Variants in ATP11A observed in about 807,000 individuals in gnomAD.
ATP11A encodes the protein ATPase phospholipid transporting 11A, also known as phospholipid-transporting ATPase IH.
In ATP11A, 81 loss-of-function variants were observed where a neutral mutation model predicts 154.4. The ratio of observed to expected loss-of-function variants is 0.52; its 90% CI spans 0.44 to 0.63. ATP11A has a LOEUF of 0.63. Among genes scored for constraint, ATP11A ranks in the 30% least tolerant of loss-of-function variants. ATP11A has a pLI of 0.00. For synonymous variants in ATP11A, 623 were observed against 585.9 expected (o/e 1.06, Z -0.91); for missense variants, 1,316 against 1,474.3 (o/e 0.89, Z 1.76).
At chr13:112,694,412 C>T (rs1885546908) in intron 1 of ATP11A, among the ~76,000 whole-genome samples, 1 of 152,200 alleles carries the variant, frequency 6.6e-6, no homozygotes, top group Non-Finnish European at 1.5e-5. Context: ...GGGTCCCGGC[C>T]TGCTGGCGTC....
At chr13:112,873,008 G>A (rs1765873) in intron 26 of ATP11A, among the ~76,000 whole-genome samples, 1,297 of 75,910 alleles carry the variant, frequency 0.017, 6 homozygotes, top group East Asian at 0.026. Context: ...GTCTTCCTGA[G>A]CGGTGTGAGG....
At position 112,823,367 on chromosome 13, in the gene ATP11A, CT is replaced by C. The variant is rs1273166649; in HGVS notation, c.749del (p.Leu250ArgfsTer7). 1.2e-6 allele frequency: 2 copies of C among 1,613,820 alleles called. No homozygotes were observed. The highest frequency in any genetic ancestry group is 8.5e-7 in the Non-Finnish European group (1 of 1,179,780). On this transcript the variant is annotated frameshift_variant, in exon 9 of 30. Transcript: ENST00000375645. LOFTEE classifies it high-confidence loss of function. ...VVRPLGSENL[L>X]LRGATLKNTE... ...CAGGCCCTTAGGATCGGAAAACCTG[CT>C]GCTTAGAGGAGCTACACTGAAGAAC...
At chr13:112,760,635 C>G (rs540605380) in intron 1 of ATP11A, among the ~76,000 whole-genome samples, 1 of 152,160 alleles carries the variant, frequency 6.6e-6, no homozygotes, top group Non-Finnish European at 1.5e-5. Context: ...GTTCCCTCTT[C>G]TTGCTCAGAG....
chr13:112,812,734 T>C (rs146201566), intron 5 of ATP11A, among the ~76,000 whole-genome samples: 51 of 152,342 alleles, frequency 3.3e-4, no homozygotes, highest in African/African-American at 1.2e-3. Flanking sequence ...AAACGTGCTA[T>C]CCAGGTGTTT....
intron 1 of ATP11A, among the ~76,000 whole-genome samples, chr13:112,762,796 C>T (rs1198173987): frequency 1.3e-5 from 2 of 152,238 alleles, no homozygotes; most frequent in East Asian, 3.9e-4. Context: ...TTTACAAATG[C>T]TCACGGTATG....
At chr13:112,772,024 G>A (rs1408240948) in intron 1 of ATP11A, among the ~76,000 whole-genome samples, 1 of 152,188 alleles carries the variant, frequency 6.6e-6, no homozygotes, top group Non-Finnish European at 1.5e-5. Context: ...ACTGCGAGGC[G>A]GCAGCGGCTG....
At chr13:112,808,690 C>T (rs563341565) in intron 4 of ATP11A, among the ~76,000 whole-genome samples, 4 of 152,268 alleles carry the variant, frequency 2.6e-5, no homozygotes, top group African/African-American at 9.6e-5. Flanking sequence ...CTTAGGTCCC[C>T]GCCTCTCTTT....
chr13:112,850,280 G>A (rs988102078), intron 17 of ATP11A, among the ~76,000 whole-genome samples: 3 of 152,218 alleles, frequency 2.0e-5, no homozygotes, highest in African/African-American at 7.2e-5. Flanking sequence ...GGGGCTGAAG[G>A]AGCAGGGAAA....
chr13:112,793,682 C>T lies in ATP11A; in HGVS notation c.162+8425C>T, dbSNP rs116920200. Among the ~76,000 whole-genome samples the T allele has an allele frequency of 8.2e-3, 1,252 of 152,358 alleles. 3 individuals carry two copies. Among genetic ancestry groups the T allele is most frequent in the Admixed American group, 0.014 (220 of 15,308 alleles). ...AGCAGATGGGTGTCCGGCGTCCCCGCCTTTTTCAGGACTGTCAGGTGGGCC... is the reference window on the plus strand; with the variant it reads ...AGCAGATGGGTGTCCGGCGTCCCCGTCTTTTTCAGGACTGTCAGGTGGGCC... On this transcript the variant is annotated intron_variant, in intron 2 of 29. Transcript: ENST00000375645.
chr13:112,862,389 G>T, intron 24 of ATP11A, 51 bp from the exon 25 acceptor site: 1 of 1,606,582 alleles, frequency 6.2e-7, no homozygotes, highest in African/African-American at 1.3e-5. Flanking sequence ...TGGGGGAGGT[G>T]CCGGGCCCTG....
chr13:112,867,352 C>T (rs1008199858), intron 25 of ATP11A, among the ~76,000 whole-genome samples: 2 of 152,174 alleles, frequency 1.3e-5, no homozygotes, highest in South Asian at 4.1e-4. Flanking sequence ...TTGCCCAGTG[C>T]GGCCTCTGGG....
At chr13:112,723,477 G>A (rs935820444) in intron 1 of ATP11A, among the ~76,000 whole-genome samples, 5 of 148,798 alleles carry the variant, frequency 3.4e-5, no homozygotes, top group African/African-American at 1.2e-4. Flanking sequence ...TCACAATGTC[G>A]GCCAGGCTGG....
Position 112,702,456 on chromosome 13 carries a change from C to T in ATP11A, c.39+12001C>T, listed in dbSNP as rs113307186. 6.2e-3 allele frequency among the ~76,000 whole-genome samples: 951 copies of T among 152,218 alleles called. 13 individuals are homozygous for T. Among genetic ancestry groups the T allele is most frequent in the African/African-American group, 0.015 (640 of 41,558 alleles). ...CAGTGGGAAGCAGAGCCTCGGAAGG[C>T]GTGCACACGGGGGGTGCGTGATGGT... is the stretch of plus-strand genomic sequence containing the variant. On this transcript the variant is annotated intron_variant, in intron 1 of 29. Transcript: ENST00000375645.
At chr13:112,716,143 C>T (rs988299138) in intron 1 of ATP11A, among the ~76,000 whole-genome samples, 2 of 152,190 alleles carry the variant, frequency 1.3e-5, no homozygotes, top group African/African-American at 2.4e-5. Flanking sequence ...TGGCCTTCTG[C>T]AGATGCTGGG....
intron 12 of ATP11A, among the ~76,000 whole-genome samples, chr13:112,828,132 C>CCCAGTGGT (rs2078984314): frequency 8.9e-5 from 2 of 22,544 alleles, no homozygotes; most frequent in African/African-American, 4.5e-4. Flanking sequence ...CGCCCAGCAG[C>CCCAGTGGT]GTTGAGTAGG....
chr13:112,800,089 T>C (rs1320362775), intron 2 of ATP11A, among the ~76,000 whole-genome samples: 1 of 151,322 alleles, frequency 6.6e-6, no homozygotes, highest in East Asian at 1.9e-4. Context: ...AGAAGAAAGA[T>C]CCAAAATCTA....
At chr13:112,762,855 T>C (rs2076994059) in intron 1 of ATP11A, among the ~76,000 whole-genome samples, 1 of 152,244 alleles carries the variant, frequency 6.6e-6, no homozygotes, top group Non-Finnish European at 1.5e-5. Flanking sequence ...CTCAGTCACG[T>C]GTGTGCCGGG....
rs1304326367 is a variant in ATP11A at position 112,819,333 on chromosome 13, C to G, written c.600C>G (p.Gly200=). 1.2e-6 allele frequency: 2 copies of G among 1,614,246 alleles called. No individual in the cohort carries two copies. Among genetic ancestry groups the G allele is most frequent in the South Asian group, 2.2e-5 (2 of 91,086 alleles). The part of the protein sequence containing the change: ...KTHYAVQDTK[G]FHTEEDIGGL... Reference sequence around the variant, plus strand: ...ATTACGCGGTCCAGGACACCAAAGGCTTCCACACAGAGGAGGATATCGGCG... The same window carrying G: ...ATTACGCGGTCCAGGACACCAAAGGGTTCCACACAGAGGAGGATATCGGCG... The change falls in exon 7 of 30, where the codon GGC becomes GGG. Residue 200 remains glycine, a synonymous_variant. Coordinates refer to ENST00000375645, the MANE Select transcript of ATP11A (RefSeq NM_015205.3).
intron 1 of ATP11A, among the ~76,000 whole-genome samples, chr13:112,780,732 G>A (rs73567152): frequency 0.056 from 8,593 of 152,182 alleles, 764 homozygotes; most frequent in African/African-American, 0.19. Flanking sequence ...GACTTGCCAC[G>A]TGGCTTTCTC....
Sources: allele counts gnomAD v4.1 joint callset (sites outside exome capture counted in the v4.1 genomes callset), GRCh38; gene constraint gnomAD v4.1.1; transcripts MANE v1.5; gene names NCBI Gene and HGNC (gene_info 2026-07-23, HGNC 2026-07-21).